The following ARL15 variants were observed in gnomAD, a reference collection of about 807,000 sequenced individuals.
ARL15 encodes ARF like GTPase 15.
ARL15 carries 19 observed loss-of-function variants against 25.2 expected under a neutral mutation model. The observed-to-expected ratio is 0.75, with a 90% CI of 0.53 to 1.10. The LOEUF is 1.10. Among genes scored for constraint, ARL15 ranks in the 50% least tolerant of loss-of-function variants. ARL15 has a pLI of 0.00. For synonymous variants in ARL15, 94 were observed against 86.8 expected (o/e 1.08, Z -0.46); for missense variants, 220 against 246.0 (o/e 0.89, Z 0.71).
Position 53,999,460 on chromosome 5 carries a change from C to T in ARL15, c.463-112747G>A, listed in dbSNP as rs910458033. Among the ~76,000 whole-genome samples, 4 of 151,884 alleles carry T rather than the reference C, an allele frequency of 2.6e-5. No individual in the cohort carries two copies. In the East Asian group the frequency reaches 7.7e-4, roughly 29 times the overall value. Reference sequence around the variant, plus strand: ...AAAAAATTAGCCAGGTATGGTGGTGCGGGCCTGTAATCCCAGCCACTTGGG... The same window carrying T: ...AAAAAATTAGCCAGGTATGGTGGTGTGGGCCTGTAATCCCAGCCACTTGGG... On this transcript the variant is annotated intron_variant, in intron 4 of 4. Coordinates refer to ENST00000504924, the MANE Select transcript of ARL15 (RefSeq NM_019087.3).
At chr5:53,949,002 T>G (rs1170384333) in intron 4 of ARL15, among the ~76,000 whole-genome samples, 2 of 152,196 alleles carry the variant, frequency 1.3e-5, no homozygotes, top group African/African-American at 4.8e-5. Context: ...AGTTTTTCCT[T>G]AAGTTTAGAA....
chr5:54,227,868 G>A (rs766814344), intron 1 of ARL15, among the ~76,000 whole-genome samples: 1 of 152,190 alleles, frequency 6.6e-6, no homozygotes, highest in Non-Finnish European at 1.5e-5. Flanking sequence ...GTACAAAACA[G>A]TAAGTGGTCT....
intron 1 of ARL15, among the ~76,000 whole-genome samples, chr5:54,288,894 C>A (rs1470947542): frequency 6.6e-6 from 1 of 152,124 alleles, no homozygotes; most frequent in Non-Finnish European, 1.5e-5. Flanking sequence ...TGGCAGAAAC[C>A]TATCAAATTC....
chr5:54,210,162 G>A (rs1303269661), intron 1 of ARL15, among the ~76,000 whole-genome samples: 1 of 151,976 alleles, frequency 6.6e-6, no homozygotes, highest in Non-Finnish European at 1.5e-5. Flanking sequence ...CTTTTTCTTT[G>A]TTATTAAGTA....
intron 1 of ARL15, among the ~76,000 whole-genome samples, chr5:54,287,607 A>G (rs1758215029): frequency 6.6e-6 from 1 of 152,064 alleles, no homozygotes; most frequent in Non-Finnish European, 1.5e-5. Flanking sequence ...TCTCAGTCCG[A>G]TATCAATTAT....
At chr5:54,189,524 G>A (rs1755336590) in intron 1 of ARL15, among the ~76,000 whole-genome samples, 1 of 152,126 alleles carries the variant, frequency 6.6e-6, no homozygotes, top group African/African-American at 2.4e-5. Flanking sequence ...GGGCAAGGGT[G>A]AAAAGATCAT....
Position 54,137,128 on chromosome 5 carries a change from T to A in ARL15, c.253+17452A>T, listed in dbSNP as rs932716039. 3.2e-4 allele frequency among the ~76,000 whole-genome samples: 48 copies of A among 152,106 alleles called. 1 individual carries two copies. The highest frequency in any genetic ancestry group is 2.9e-3 in the Admixed American group (44 of 15,276). ...AAACAGTGCAACAGCAGCCACTCAT[T>A]GCACATTAAAAACAAGGATGGTGCC... On this transcript the variant is annotated intron_variant, in intron 3 of 4. Transcript: ENST00000504924.
intron 4 of ARL15, among the ~76,000 whole-genome samples, chr5:54,101,703 C>T (rs542841012): frequency 6.6e-6 from 1 of 152,240 alleles, no homozygotes; most frequent in Admixed American, 6.5e-5. Context: ...CCATTCATTA[C>T]TCAAGTACCT....
intron 1 of ARL15, among the ~76,000 whole-genome samples, chr5:54,232,695 A>G (rs1332032426): frequency 6.6e-6 from 1 of 152,196 alleles, no homozygotes; most frequent in African/African-American, 2.4e-5. Context: ...ACTTGTGTTC[A>G]GGGACCTCTC....
intron 1 of ARL15, among the ~76,000 whole-genome samples, chr5:54,273,643 C>T (rs1229349010): frequency 6.6e-6 from 1 of 152,152 alleles, no homozygotes. Flanking sequence ...AGACATCTAA[C>T]CATGCCATGT....
intron 1 of ARL15, among the ~76,000 whole-genome samples, chr5:54,309,112 G>T (rs891218693): frequency 6.6e-6 from 1 of 152,130 alleles, no homozygotes; most frequent in African/African-American, 2.4e-5. Context: ...GATAATCCCC[G>T]TAACCAGCTA....
At position 53,991,358 on chromosome 5, in the gene ARL15, A is replaced by G. The variant is rs145907598; in HGVS notation, c.463-104645T>C. Among the ~76,000 whole-genome samples, 661 of 152,158 alleles carry G rather than the reference A, an allele frequency of 4.3e-3. 5 individuals are homozygous for G. Among genetic ancestry groups the G allele is most frequent in the African/African-American group, 0.015 (620 of 41,510 alleles). Reference sequence around the variant, plus strand: ...GGAGTTCGAGACCAGCCTGACCAATATGATGAAACTCCATCTCTACTAAAA... The same window carrying G: ...GGAGTTCGAGACCAGCCTGACCAATGTGATGAAACTCCATCTCTACTAAAA... On this transcript the variant is annotated intron_variant, in intron 4 of 4. Transcript: ENST00000504924.
At chr5:53,983,055 C>T (rs532887144) in intron 4 of ARL15, among the ~76,000 whole-genome samples, 1 of 151,996 alleles carries the variant, frequency 6.6e-6, no homozygotes, top group Non-Finnish European at 1.5e-5. Context: ...GTAAACTGCA[C>T]CCAGCGGTTT....
intron 4 of ARL15, among the ~76,000 whole-genome samples, chr5:54,025,323 A>G (rs1176406181): frequency 1.3e-5 from 2 of 151,778 alleles, no homozygotes; most frequent in African/African-American, 4.8e-5. Flanking sequence ...CAACAGTCAC[A>G]TATTGAAAGC....
intron 1 of ARL15, among the ~76,000 whole-genome samples, chr5:54,289,378 A>G (rs941308502): frequency 6.7e-6 from 1 of 150,170 alleles, no homozygotes; most frequent in African/African-American, 2.5e-5. Context: ...AAAAAAAAAG[A>G]GAGAATGTGC....
chr5:53,898,244 G>A (rs764259806), intron 4 of ARL15, among the ~76,000 whole-genome samples: 3 of 152,086 alleles, frequency 2.0e-5, no homozygotes, highest in Non-Finnish European at 4.4e-5. Context: ...AGAGATTTTT[G>A]CATCTATATT....
chr5:54,306,875 A>C (rs1758770619), intron 1 of ARL15, among the ~76,000 whole-genome samples: 1 of 152,246 alleles, frequency 6.6e-6, no homozygotes, highest in African/African-American at 2.4e-5. Context: ...GTCAAGACAG[A>C]AAATTTTGAA....
intron 3 of ARL15, among the ~76,000 whole-genome samples, chr5:54,141,962 A>G (rs1366660822): frequency 6.6e-6 from 1 of 152,190 alleles, no homozygotes; most frequent in African/African-American, 2.4e-5. Flanking sequence ...TTGTTTATCC[A>G]TTCACCAATT....
intron 1 of ARL15, among the ~76,000 whole-genome samples, chr5:54,262,760 T>C (rs895804144): frequency 5.3e-5 from 8 of 152,226 alleles, no homozygotes; most frequent in African/African-American, 1.7e-4. Context: ...AAGTTTTATT[T>C]AATTTCTAAA....
Sources: gnomAD v4.1 joint callset for allele counts (sites outside exome capture counted in the v4.1 genomes callset) on GRCh38, gnomAD v4.1.1 for gene constraint, MANE v1.5 for transcripts, NCBI Gene and HGNC (gene_info 2026-07-23, HGNC 2026-07-21) for gene names.